CNTN6: variants seen among roughly 807,000 people sequenced by gnomAD.
The protein encoded by CNTN6 is contactin 6.
A neutral mutation model predicts 122.8 loss-of-function variants in CNTN6; 137 were observed. The observed-to-expected ratio is 1.12, with a 90% confidence interval of 0.97 to 1.29. CNTN6 has a LOEUF of 1.29. CNTN6 is among the 50% of genes most tolerant of loss of function. The pLI, the probability that CNTN6 is intolerant of heterozygous loss-of-function variation, is 0.00. For missense variants in CNTN6, 1,634 were observed against 1,223.4 expected (o/e 1.34, Z -5.01); for synonymous variants, 570 against 426.0 (o/e 1.34, Z -4.16).
At chr3:1,161,248 TTA>T (rs1036422300) in intron 2 of CNTN6, among the ~76,000 whole-genome samples, 5 of 101,692 alleles carry the variant, frequency 4.9e-5, no homozygotes, top group East Asian at 4.1e-4. Flanking sequence ...TGATATATGA[TTA>T]TATATATATG....
At chr3:1,196,084 G>C (rs941548296) in intron 2 of CNTN6, among the ~76,000 whole-genome samples, 9 of 152,126 alleles carry the variant, frequency 5.9e-5, no homozygotes, top group Non-Finnish European at 1.3e-4. Context: ...AGACTAATTT[G>C]CTTGTGGTTA....
intron 2 of CNTN6, among the ~76,000 whole-genome samples, chr3:1,211,856 T>G (rs1183337870): frequency 6.6e-6 from 1 of 152,158 alleles, no homozygotes; most frequent in Non-Finnish European, 1.5e-5. Flanking sequence ...GAAGAACATA[T>G]TCACTTCTCA....
chr3:1,280,459 A>ATTTTTTTTTTTTTTTTTTT lies in CNTN6; in HGVS notation c.454+1956_454+1974dup, dbSNP rs71619483. On this transcript the variant is annotated intron_variant, in intron 5 of 22. Coordinates refer to ENST00000446702, the MANE Select transcript of CNTN6 (RefSeq NM_001289080.2). ...GTAATGGCAAACTTGTGTAATACCA[A>ATTTTTTTTTTTTTTTTTTT]TTTTTTTTTTTTTTTTTTTTTTTGT... Among the ~76,000 whole-genome samples, 180 of 66,612 alleles carry ATTTTTTTTTTTTTTTTTTT rather than the reference A, an allele frequency of 2.7e-3. 30 individuals carry two copies. Among genetic ancestry groups the ATTTTTTTTTTTTTTTTTTT allele is most frequent in the Non-Finnish European group, 3.9e-3 (144 of 36,554 alleles). The allele number at this position is 66,612 out of a possible 152,430, so 43.7% of individuals were successfully genotyped here.
At chr3:1,341,657 G>A (rs1031803114) in intron 11 of CNTN6, among the ~76,000 whole-genome samples, 4 of 152,144 alleles carry the variant, frequency 2.6e-5, no homozygotes, top group Admixed American at 2.6e-4. Flanking sequence ...TGTTGCGTCA[G>A]CCACTACAAA....
intron 1 of CNTN6, among the ~76,000 whole-genome samples, chr3:1,121,463 A>G (rs2091947353): frequency 6.6e-6 from 1 of 151,886 alleles, no homozygotes; most frequent in Non-Finnish European, 1.5e-5. Flanking sequence ...TTATTTGTAA[A>G]TATGATTTCA....
At chr3:1,353,036 G>A (rs1705912108) in intron 12 of CNTN6, among the ~76,000 whole-genome samples, 1 of 151,622 alleles carries the variant, frequency 6.6e-6, no homozygotes, top group African/African-American at 2.4e-5. Context: ...TTACTTTTAA[G>A]ATTTCTAAAT....
intron 20 of CNTN6, among the ~76,000 whole-genome samples, chr3:1,388,196 A>G (rs1352960702): frequency 2.0e-5 from 3 of 150,592 alleles, no homozygotes; most frequent in Admixed American, 6.6e-5. Flanking sequence ...TGGTTCTCCC[A>G]GCATGCAGCT....
At chr3:1,206,372 A>C (rs1207214982) in intron 2 of CNTN6, among the ~76,000 whole-genome samples, 1 of 151,820 alleles carries the variant, frequency 6.6e-6, no homozygotes, top group Non-Finnish European at 1.5e-5. Flanking sequence ...GTCTCCACTT[A>C]CTCTGCCTTC....
chr3:1,104,998 C>A (rs1223985551), intron 1 of CNTN6, among the ~76,000 whole-genome samples: 1 of 152,022 alleles, frequency 6.6e-6, no homozygotes, highest in East Asian at 1.9e-4. Flanking sequence ...GTACCTGAAT[C>A]TTTTAATATG....
intron 11 of CNTN6, among the ~76,000 whole-genome samples, chr3:1,349,880 ACT>A (rs986971615): frequency 1.3e-5 from 2 of 151,776 alleles, no homozygotes; most frequent in African/African-American, 4.8e-5. Context: ...AAATATCTGT[ACT>A]GTTTGTTATG....
At chr3:1,132,625 C>G (rs2092366424) in intron 1 of CNTN6, among the ~76,000 whole-genome samples, 2 of 148,998 alleles carry the variant, frequency 1.3e-5, no homozygotes, top group African/African-American at 5.0e-5. Flanking sequence ...CTACTGCATT[C>G]CAGCCTGGAT....
chr3:1,274,625 GA>G (rs1691986286), intron 4 of CNTN6, among the ~76,000 whole-genome samples: 1 of 152,140 alleles, frequency 6.6e-6, no homozygotes, highest in African/African-American at 2.4e-5. Flanking sequence ...ACTGATATGG[GA>G]AGTAATGTAG....
chr3:1,343,550 C>T (rs1338621578), intron 11 of CNTN6, among the ~76,000 whole-genome samples: 1 of 152,128 alleles, frequency 6.6e-6, no homozygotes, highest in Non-Finnish European at 1.5e-5. Flanking sequence ...GACAAATATA[C>T]ATCTGGCTCT....
intron 7 of CNTN6, among the ~76,000 whole-genome samples, chr3:1,310,461 A>C (rs1211996343): frequency 1.3e-5 from 2 of 152,166 alleles, no homozygotes; most frequent in Admixed American, 1.3e-4. Context: ...ACCCAAGACA[A>C]GTCCTATTTT....
chr3:1,108,965 T>C (rs2091352812), intron 1 of CNTN6, among the ~76,000 whole-genome samples: 1 of 152,004 alleles, frequency 6.6e-6, no homozygotes, highest in Non-Finnish European at 1.5e-5. Context: ...TTAAAGCAAT[T>C]GTAGTAAAGT....
intron 4 of CNTN6, among the ~76,000 whole-genome samples, chr3:1,245,303 T>TAACATATATAAC (rs4065406): frequency 6.8e-4 from 5 of 7,340 alleles, no homozygotes; most frequent in African/African-American, 3.4e-3. Context: ...AACATATATA[T>TAACATATATAAC]ATATATATAT....
chr3:1,272,286 A>C (rs901278178), intron 4 of CNTN6, among the ~76,000 whole-genome samples: 2 of 152,210 alleles, frequency 1.3e-5, no homozygotes, highest in African/African-American at 4.8e-5. Flanking sequence ...CCTTATCTGG[A>C]CACATAGAAA....
intron 12 of CNTN6, among the ~76,000 whole-genome samples, chr3:1,352,895 A>T (rs1454298175): frequency 6.6e-6 from 1 of 151,768 alleles, no homozygotes; most frequent in Non-Finnish European, 1.5e-5. Context: ...AACTAATGAA[A>T]TGCAGGGTCA....
intron 2 of CNTN6, among the ~76,000 whole-genome samples, chr3:1,198,403 C>T (rs533899471): frequency 4.9e-4 from 75 of 152,254 alleles, no homozygotes; most frequent in Middle Eastern, 6.8e-3. Context: ...CCCCACACAA[C>T]ATGTGTTACC....
Sources: gnomAD v4.1 joint callset for allele counts (sites outside exome capture counted in the v4.1 genomes callset) on GRCh38, gnomAD v4.1.1 for gene constraint, MANE v1.5 for transcripts, NCBI Gene and HGNC (gene_info 2026-07-23, HGNC 2026-07-21) for gene names.